LINGO2: variants seen among roughly 807,000 people sequenced by gnomAD.
LINGO2 encodes the protein leucine rich repeat and Ig domain containing 2.
A neutral mutation model predicts 30.6 loss-of-function variants in LINGO2; 14 were observed. The observed-to-expected ratio is 0.46, with a 90% CI of 0.30 to 0.72. The LOEUF is 0.72. LINGO2 is among the 30% of genes least tolerant of loss of function. The pLI, the probability that LINGO2 is intolerant of heterozygous loss-of-function variation, is 0.07. For synonymous variants in LINGO2, 317 were observed against 288.5 expected, an observed-to-expected ratio of 1.10 and a Z score of -1.00; for missense variants, 729 against 751.7, an observed-to-expected ratio of 0.97 and a Z score of 0.35.
chr9:28,620,723 T>A (rs561469940), intron 1 of LINGO2, among the ~76,000 whole-genome samples: 1 of 151,900 alleles, frequency 6.6e-6, no homozygotes, highest in Non-Finnish European at 1.5e-5. Flanking sequence ...AACTAACAGA[T>A]GAACAGAAAA....
the LINGO2 span, among the ~76,000 whole-genome samples, chr9:28,962,498 C>T: frequency 5.9e-5 from 9 of 151,888 alleles, no homozygotes; most frequent in Non-Finnish European, 1.2e-4. Flanking sequence ...TAACTTTCTT[C>T]ACACCACAAA....
chr9:28,442,552 C>A (rs1339411940), intron 2 of LINGO2, among the ~76,000 whole-genome samples: 2 of 151,968 alleles, frequency 1.3e-5, no homozygotes, highest in Non-Finnish European at 2.9e-5. Context: ...TCAGTACTTA[C>A]CAACTATTTT....
rs145781934 is a variant in LINGO2, at chr9:28,642,386, C to A, written c.-365+27814G>T. ...CATAATCAATACCATCTTAATTCTA[C>A]CCTGCTGGATTTTATTTCATACATT... On this transcript the variant is annotated intron_variant, in intron 1 of 5. Coordinates refer to ENST00000379992, the Ensembl canonical transcript of LINGO2. 3.6e-3 allele frequency among the ~76,000 whole-genome samples: 554 copies of A among 152,168 alleles called. 5 individuals are homozygous for A. The highest frequency in any genetic ancestry group is 0.013 in the African/African-American group (522 of 41,512).
chr9:28,235,090 G>A (rs1821511835), intron 4 of LINGO2, among the ~76,000 whole-genome samples: 1 of 152,154 alleles, frequency 6.6e-6, no homozygotes, highest in African/African-American at 2.4e-5. Context: ...GCTGGCTTTA[G>A]GTCTGACCTG....
chr9:29,072,991 T>G, the LINGO2 span, among the ~76,000 whole-genome samples: 3 of 147,150 alleles, frequency 2.0e-5, no homozygotes, highest in South Asian at 7.0e-4. Context: ...TCTCCTCCTA[T>G]CTCCCATGGG....
the LINGO2 span, among the ~76,000 whole-genome samples, chr9:28,963,449 C>T: frequency 6.6e-6 from 1 of 151,540 alleles, no homozygotes; most frequent in African/African-American, 2.4e-5. Context: ...TACCTGAACC[C>T]TCATGTTTAC....
At chr9:29,195,294 G>A in the LINGO2 span, among the ~76,000 whole-genome samples, 3 of 151,564 alleles carry the variant, frequency 2.0e-5, no homozygotes, top group African/African-American at 7.3e-5. Flanking sequence ...TGATTTTATT[G>A]TTTCCTTATT....
At chr9:28,559,560 G>A (rs1369813363) in intron 1 of LINGO2, among the ~76,000 whole-genome samples, 1 of 152,084 alleles carries the variant, frequency 6.6e-6, no homozygotes, top group Non-Finnish European at 1.5e-5. Context: ...TTTGGTATAT[G>A]ACTGTGTAAT....
At chr9:28,263,960 A>G (rs1822655579) in intron 4 of LINGO2, among the ~76,000 whole-genome samples, 1 of 151,906 alleles carries the variant, frequency 6.6e-6, no homozygotes, top group African/African-American at 2.4e-5. Flanking sequence ...TTTTATGATT[A>G]TTATTTGTTA....
chr9:28,398,337 T>G (rs1822135606), intron 2 of LINGO2, among the ~76,000 whole-genome samples: 1 of 152,224 alleles, frequency 6.6e-6, no homozygotes, highest in Non-Finnish European at 1.5e-5. Flanking sequence ...AATATATTCA[T>G]TTTACTTTCT....
chr9:28,916,581 C>T, the LINGO2 span, among the ~76,000 whole-genome samples: 6 of 152,258 alleles, frequency 3.9e-5, no homozygotes, highest in East Asian at 1.2e-3. Flanking sequence ...GGAAGCCACA[C>T]CCCCATCCCT....
intron 2 of LINGO2, among the ~76,000 whole-genome samples, chr9:28,467,253 C>T (rs1324108703): frequency 6.6e-6 from 1 of 152,150 alleles, no homozygotes; most frequent in African/African-American, 2.4e-5. Context: ...TCTCGATCTC[C>T]TGACCTCTCG....
the LINGO2 span, among the ~76,000 whole-genome samples, chr9:28,915,423 T>G: frequency 2.6e-5 from 4 of 152,142 alleles, no homozygotes; most frequent in South Asian, 8.3e-4. Context: ...AGAATCTACC[T>G]TAGTAACATA....
chr9:28,630,984 T>C (rs1029536694), intron 1 of LINGO2, among the ~76,000 whole-genome samples: 4 of 151,860 alleles, frequency 2.6e-5, no homozygotes, highest in Admixed American at 2.0e-4. Flanking sequence ...TTAGAAAAGA[T>C]GTTACCATTG....
At chr9:28,434,115 C>T (rs143595553) in intron 2 of LINGO2, among the ~76,000 whole-genome samples, 33 of 151,418 alleles carry the variant, frequency 2.2e-4, no homozygotes, top group African/African-American at 6.0e-4. Context: ...AACCAAATAT[C>T]GTATGTTCTC....
At chr9:28,264,467 A>G (rs775260987) in intron 4 of LINGO2, among the ~76,000 whole-genome samples, 1 of 152,040 alleles carries the variant, frequency 6.6e-6, no homozygotes, top group Non-Finnish European at 1.5e-5. Context: ...ACTGAACTGT[A>G]AAAGTCATCT....
intron 1 of LINGO2, among the ~76,000 whole-genome samples, chr9:28,479,463 T>A (rs1825854016): frequency 6.6e-6 from 1 of 151,942 alleles, no homozygotes; most frequent in South Asian, 2.1e-4. Flanking sequence ...TTTTACAGAA[T>A]ACTGATTACA....
chr9:28,301,757 T>C (rs76369309), intron 3 of LINGO2, among the ~76,000 whole-genome samples: 2,185 of 152,228 alleles, frequency 0.014, 45 homozygotes, highest in African/African-American at 0.05. Context: ...AAGAAGATCA[T>C]CCCTAAAATA....
At chr9:28,864,182 A>G in the LINGO2 span, among the ~76,000 whole-genome samples, 1 of 152,132 alleles carries the variant, frequency 6.6e-6, no homozygotes, top group Admixed American at 6.6e-5. Flanking sequence ...CTCATATCCT[A>G]TGACACAAGC....
Sources: allele counts gnomAD v4.1 joint callset (sites outside exome capture counted in the v4.1 genomes callset), GRCh38; gene constraint gnomAD v4.1.1; transcripts MANE v1.5; gene names NCBI Gene and HGNC (gene_info 2026-07-23, HGNC 2026-07-21).